CHODL: variants seen among roughly 807,000 people sequenced by gnomAD.
The protein encoded by CHODL is transmembrane protein MT75.
In CHODL, 29 loss-of-function variants were observed where a neutral mutation model predicts 34.5. That is an observed-to-expected ratio of 0.84 (90% CI 0.63 to 1.15). The LOEUF is 1.15. CHODL is among the 50% of genes most tolerant of loss of function. The pLI, the probability that CHODL is intolerant of heterozygous loss-of-function variation, is 0.00. For synonymous variants in CHODL, 125 were observed against 116.1 expected (o/e 1.08, Z -0.49); for missense variants, 332 against 332.5 (o/e 1.00, Z 0.01).
At chr21:18,237,307 A>ACTCT (rs1452449932) in intron 2 of CHODL, among the ~76,000 whole-genome samples, 4 of 152,062 alleles carry the variant, frequency 2.6e-5, no homozygotes, top group African/African-American at 9.7e-5. Flanking sequence ...ATTTATCTCC[A>ACTCT]CTCTCAGAAG....
intron 2 of CHODL, among the ~76,000 whole-genome samples, chr21:18,173,030 T>C (rs2073251037): frequency 6.6e-6 from 1 of 152,186 alleles, no homozygotes; most frequent in African/African-American, 2.4e-5. Flanking sequence ...CTCCACGCTA[T>C]AGGCAGTTAA....
chr21:18,202,668 C>G (rs1475901057), intron 2 of CHODL, among the ~76,000 whole-genome samples: 3 of 144,970 alleles, frequency 2.1e-5, no homozygotes, highest in Admixed American at 6.9e-5. Context: ...TACAGCAGCC[C>G]AAACAGACTA....
At chr21:18,135,543 A>C (rs925156720) in intron 2 of CHODL, among the ~76,000 whole-genome samples, 4 of 151,962 alleles carry the variant, frequency 2.6e-5, no homozygotes, top group Non-Finnish European at 5.9e-5. Flanking sequence ...CCACTCCTTC[A>C]TCTGGTCAAT....
rs569672477 is a variant in CHODL at position 17,933,636 on chromosome 21, T to C, written c.-145+16236T>C. Reference sequence around the variant, plus strand: ...CAAAATGGAGACTCCTATGTCTACTTCTTTCTACACAGACACAGTAACAAT... The same window carrying C: ...CAAAATGGAGACTCCTATGTCTACTCCTTTCTACACAGACACAGTAACAAT... On this transcript the variant is annotated intron_variant, in intron 1 of 6. Transcript: ENST00000400127. Among the ~76,000 whole-genome samples the C allele has an allele frequency of 3.3e-4, 50 of 151,010 alleles. 1 individual carries two copies. The South Asian group carries it at 0.011, about 32-fold the overall frequency.
intron 2 of CHODL, among the ~76,000 whole-genome samples, chr21:18,160,372 G>C (rs989889222): frequency 6.6e-6 from 1 of 151,960 alleles, no homozygotes; most frequent in Non-Finnish European, 1.5e-5. Context: ...AGGGGTACAA[G>C]TGCAGGTTTG....
rs1032679259 is a variant in CHODL at position 17,955,465 on chromosome 21, C to T, written c.-145+38065C>T. ...AATCTTACAACCTGACTTTAAGCTCCGCTGTTTTATTACTTTTTTTTCCTC... is the reference window on the plus strand; with the variant it reads ...AATCTTACAACCTGACTTTAAGCTCTGCTGTTTTATTACTTTTTTTTCCTC... On this transcript the variant is annotated intron_variant, in intron 1 of 6. Transcript: ENST00000400127. Among the ~76,000 whole-genome samples the T allele has an allele frequency of 6.6e-5, 9 of 136,920 alleles. 1 individual carries two copies. The highest frequency in any genetic ancestry group is 1.0e-4 in the Non-Finnish European group (6 of 60,274). 89.8% of individuals were successfully genotyped at this position (136,920 alleles called of 152,430 possible).
intron 2 of CHODL, among the ~76,000 whole-genome samples, chr21:18,122,007 T>C (rs1347636089): frequency 1.3e-5 from 2 of 152,178 alleles, no homozygotes; most frequent in East Asian, 3.9e-4. Context: ...CCATATTAAA[T>C]AAATGAATGG....
chr21:18,197,167 C>T (rs371170761), intron 2 of CHODL, among the ~76,000 whole-genome samples: 1 of 151,814 alleles, frequency 6.6e-6, no homozygotes, highest in African/African-American at 2.4e-5. Flanking sequence ...TAAATGTGTG[C>T]TTTTATAAAT....
intron 1 of CHODL, among the ~76,000 whole-genome samples, chr21:17,977,364 CTT>C (rs542807552): frequency 5.1e-4 from 69 of 134,124 alleles, no homozygotes; most frequent in Non-Finnish European, 9.4e-4. Flanking sequence ...GGCTGTTTTA[CTT>C]TTTTTTTTTT....
At chr21:18,095,269 T>C (rs553494612) in intron 2 of CHODL, among the ~76,000 whole-genome samples, 26 of 151,564 alleles carry the variant, frequency 1.7e-4, no homozygotes, top group Non-Finnish European at 3.1e-4. Flanking sequence ...ACAGACAAAC[T>C]GAGAGAAAAG....
At chr21:17,951,403 C>T (rs9975794) in intron 1 of CHODL, among the ~76,000 whole-genome samples, 9,551 of 152,156 alleles carry the variant, frequency 0.063, 802 homozygotes, top group African/African-American at 0.19. Flanking sequence ...AAGGACAGAG[C>T]GTCATCAAAC....
At chr21:17,941,840 T>C (rs1600989979) in intron 1 of CHODL, among the ~76,000 whole-genome samples, 1 of 152,256 alleles carries the variant, frequency 6.6e-6, no homozygotes, top group African/African-American at 2.4e-5. Context: ...GCAGATTTGT[T>C]GTATGGTGAG....
intron 2 of CHODL, among the ~76,000 whole-genome samples, chr21:18,134,066 C>G (rs1450544150): frequency 6.6e-6 from 1 of 152,142 alleles, no homozygotes; most frequent in Non-Finnish European, 1.5e-5. Flanking sequence ...AATAATTTTT[C>G]TAAGCACGAT....
intron 2 of CHODL, among the ~76,000 whole-genome samples, chr21:18,175,588 C>T (rs1402182217): frequency 6.8e-6 from 1 of 147,790 alleles, no homozygotes; most frequent in Non-Finnish European, 1.5e-5. Context: ...GCGAGACTGT[C>T]TGGAGAAAAA....
intron 2 of CHODL, among the ~76,000 whole-genome samples, chr21:18,170,155 C>T (rs987984791): frequency 3.3e-5 from 5 of 151,924 alleles, no homozygotes; most frequent in South Asian, 4.2e-4. Context: ...TCTGATGGAA[C>T]GACTCCTTTA....
chr21:17,935,459 A>G (rs757582199), intron 1 of CHODL, among the ~76,000 whole-genome samples: 11 of 152,182 alleles, frequency 7.2e-5, no homozygotes, highest in Non-Finnish European at 1.5e-4. Context: ...ACAGCTCACA[A>G]GCACACTCTG....
At chr21:18,177,387 A>G (rs2146670583) in intron 2 of CHODL, among the ~76,000 whole-genome samples, 1 of 152,214 alleles carries the variant, frequency 6.6e-6, no homozygotes, top group East Asian at 1.9e-4. Flanking sequence ...TCTAGAGTCT[A>G]GCTCTTTCCT....
rs575226249 is a variant in CHODL at position 18,142,936 on chromosome 21, A to G, written c.-44-113573A>G. Among the ~76,000 whole-genome samples the G allele has an allele frequency of 2.6e-5, 4 of 152,306 alleles. No individual in the cohort carries two copies. The South Asian group carries it at 8.3e-4, about 32-fold the overall frequency. ...ATCTTTGGGTTGCTTAGAGATAGAA[A>G]GCCCTAAGGTTTTAGAATCCCAGGA... is the stretch of plus-strand genomic sequence containing the variant. On this transcript the variant is annotated intron_variant, in intron 2 of 6. Coordinates refer to the CHODL transcript ENST00000400127.
intron 1 of CHODL, among the ~76,000 whole-genome samples, chr21:18,021,075 T>C (rs1261489027): frequency 6.6e-6 from 1 of 152,224 alleles, no homozygotes; most frequent in African/African-American, 2.4e-5. Flanking sequence ...TAGTTGAATA[T>C]TAAGTGATTG....
Sources: gnomAD v4.1 joint callset for allele counts (sites outside exome capture counted in the v4.1 genomes callset) on GRCh38, gnomAD v4.1.1 for gene constraint, MANE v1.5 for transcripts, NCBI Gene and HGNC (gene_info 2026-07-23, HGNC 2026-07-21) for gene names.